TPX2: variants seen among roughly 807,000 people sequenced by gnomAD.
The protein encoded by TPX2 is TPX2 microtubule nucleation factor.
Under a neutral mutation model 93.6 loss-of-function variants are expected in TPX2, and 21 were observed. That is an observed-to-expected ratio of 0.22 (90% CI 0.16 to 0.32). TPX2 has a LOEUF of 0.32. Ranked by LOEUF, TPX2 falls within the 10% of genes least tolerant of loss-of-function variation. The pLI is 1.00. For synonymous variants in TPX2, 281 were observed against 298.3 expected (o/e 0.94, Z 0.60); for missense variants, 776 against 871.1 (o/e 0.89, Z 1.37).
intron 2 of TPX2, among the ~76,000 whole-genome samples, chr20:31,755,290 G>A (rs1392510372): frequency 6.7e-6 from 1 of 149,958 alleles, no homozygotes; most frequent in Non-Finnish European, 1.5e-5. Flanking sequence ...CACCATGTTG[G>A]CCAGGCTGGT....
chr20:31,767,167 A>G (rs939287923), intron 5 of TPX2, among the ~76,000 whole-genome samples: 2 of 152,156 alleles, frequency 1.3e-5, no homozygotes, highest in Admixed American at 1.3e-4. Context: ...AAAAATCTGT[A>G]TAACATTTAT....
chr20:31,760,828 T>A (rs531858869), intron 4 of TPX2, among the ~76,000 whole-genome samples: 1 of 152,366 alleles, frequency 6.6e-6, no homozygotes, highest in Admixed American at 6.5e-5. Context: ...TAAAAGATGA[T>A]GGATCGCTTC....
intron 12 of TPX2, among the ~76,000 whole-genome samples, chr20:31,788,715 G>GAGT (rs930755738): frequency 1.4e-4 from 21 of 152,244 alleles, no homozygotes; most frequent in African/African-American, 5.1e-4. Flanking sequence ...GGCAGAGGTG[G>GAGT]AGTGACAAAG....
chr20:31,786,153 C>G (rs1172313777), intron 12 of TPX2, among the ~76,000 whole-genome samples: 1 of 152,044 alleles, frequency 6.6e-6, no homozygotes. Flanking sequence ...GGTACTTAAT[C>G]CATTTTACAG....
intron 10 of TPX2, chr20:31,781,137 T>C (rs1476952790): frequency 1.2e-5 from 2 of 167,088 alleles, no homozygotes; most frequent in African/African-American, 4.8e-5. Flanking sequence ...TTGCCCAGGC[T>C]GGTCTTGAGC....
At position 31,794,044 on chromosome 20, in the gene TPX2, C is replaced by T. The variant is rs1462760110; in HGVS notation, c.1686+20C>T. 1 of 1,598,390 alleles carries T rather than the reference C, an allele frequency of 6.3e-7. No homozygotes were observed. Among genetic ancestry groups the T allele is most frequent in the South Asian group, 1.1e-5 (1 of 89,220 alleles). ...GGGGAGGTAGGTGTTTCCATTTCTG[C>T]AAGTAGTGTAATACTATTCTTTGAT... On this transcript the variant is annotated intron_variant, in intron 14 of 17. Transcript: ENST00000300403.
Position 31,801,449 on chromosome 20 carries a change from T to G in TPX2, c.*369T>G, listed in dbSNP as rs560308538. 6.0e-6 allele frequency: 1 copy of G among 165,888 alleles called. No individual in the cohort carries two copies. Among genetic ancestry groups the G allele is most frequent in the Admixed American group, 6.3e-5 (1 of 15,954 alleles). 10.3% of individuals were successfully genotyped at this position (165,888 alleles called of 1,614,324 possible). On this transcript the variant is annotated 3_prime_UTR_variant, in exon 18 of 18. Coordinates refer to ENST00000300403, the MANE Select transcript of TPX2 (RefSeq NM_012112.5). ...CTTACGACTCTCACCCTCTCCCCAC[T>G]TTTTTTAAAAATTTTAACCAGAAAA...
chr20:31,796,397 G>C (rs1431040541), intron 15 of TPX2, among the ~76,000 whole-genome samples: 1 of 152,044 alleles, frequency 6.6e-6, no homozygotes, highest in African/African-American at 2.4e-5. Flanking sequence ...CACTTAAAAA[G>C]ATTAAAAATA....
At chr20:31,741,651 T>TTGTA (rs2061753898) in intron 1 of TPX2, among the ~76,000 whole-genome samples, 2 of 152,116 alleles carry the variant, frequency 1.3e-5, no homozygotes, top group Admixed American at 6.6e-5. Context: ...GCTAGTTTTT[T>TTGTA]TGTATTTTTA....
In TPX2 at chr20:31,772,970, G is replaced by A. The variant is rs1309288933; in HGVS notation, c.608+1288G>A. On this transcript the variant is annotated intron_variant, in intron 7 of 17. Coordinates refer to ENST00000300403, the MANE Select transcript of TPX2 (RefSeq NM_012112.5). ...GAAGTACCAATTTATAGTGCCATCG[G>A]CTTTTTTTTTTTTTTTTTTTTTTTG... 3.5e-5 allele frequency among the ~76,000 whole-genome samples: 5 copies of A among 141,638 alleles called. No individual in the cohort carries two copies. In the East Asian group the frequency reaches 1.0e-3, roughly 28 times the overall value. The allele number at this position is 141,638 out of a possible 152,430, so 92.9% of individuals were successfully genotyped here. A position where few individuals can be genotyped will look rare whatever the true frequency, so the allele number is the denominator to read the frequency against.
intron 12 of TPX2, among the ~76,000 whole-genome samples, chr20:31,791,474 C>T (rs149058382): frequency 5.1e-4 from 77 of 152,178 alleles, no homozygotes; most frequent in African/African-American, 1.7e-3. Context: ...TTAGTAGAGA[C>T]GGGGTTTCAC....
chr20:31,763,942 C>T (rs1036520334), intron 4 of TPX2, among the ~76,000 whole-genome samples: 2 of 151,602 alleles, frequency 1.3e-5, no homozygotes, highest in Non-Finnish European at 2.9e-5. Context: ...TCGCTGAAAC[C>T]TGGGAGGCGG....
At chr20:31,748,293 T>A (rs925548125) in intron 2 of TPX2, among the ~76,000 whole-genome samples, 41 of 152,170 alleles carry the variant, frequency 2.7e-4, no homozygotes, top group Admixed American at 2.2e-3. Context: ...GTCTTAGACC[T>A]CAGAGGACAG....
At chr20:31,771,792 A>G in intron 7 of TPX2, 110 bp downstream of exon 7, 2 of 1,302,234 alleles carry the variant, frequency 1.5e-6, no homozygotes, top group Non-Finnish European at 2.1e-6. Context: ...TGAAGCTTTG[A>G]CCATGGTGAG....
chr20:31,776,050 G>GTTT lies in TPX2; in HGVS notation c.730+101_730+103dup, dbSNP rs10528470. ...GTGGTTCTTAACACTCTTGGTAGGT[G>GTTT]TTTTTTTTTTTTTTTTTTTTTTTTT... On this transcript the variant is annotated intron_variant, in intron 8 of 17. Transcript: ENST00000300403. The GTTT allele has an allele frequency of 1.3e-3, 422 of 331,360 alleles. 101 individuals are homozygous for GTTT. Among genetic ancestry groups the GTTT allele is most frequent in the East Asian group, 3.4e-3 (11 of 3,206 alleles). 20.5% of individuals were successfully genotyped at this position (331,360 alleles called of 1,614,324 possible).
chr20:31,780,980 C>T (rs778246946), intron 10 of TPX2: 7 of 398,240 alleles, frequency 1.8e-5, no homozygotes, highest in East Asian at 9.4e-5. Flanking sequence ...AGTGCAGTGG[C>T]GTGATCATGG....
intron 5 of TPX2, 140 bp downstream of exon 5, chr20:31,766,822 G>A (rs572635441): frequency 4.6e-6 from 4 of 861,680 alleles, no homozygotes; most frequent in East Asian, 6.6e-5. Context: ...TTTTTGAGAC[G>A]GAGTGTTTCG....
At chr20:31,753,067 A>G (rs1442087058) in intron 2 of TPX2, among the ~76,000 whole-genome samples, 1 of 152,234 alleles carries the variant, frequency 6.6e-6, no homozygotes, top group Non-Finnish European at 1.5e-5. Flanking sequence ...TAATGAAAGT[A>G]GAAATGGAGG....
At position 31,798,452 on chromosome 20, in the gene TPX2, T is replaced by A. The variant is rs145356341; in HGVS notation, c.2033T>A (p.Met678Lys). 1 of 1,613,974 alleles carries A rather than the reference T, an allele frequency of 6.2e-7. No individual in the cohort carries two copies. Residue 678 changes from methionine (M) to lysine (K), a missense_variant, in exon 17 of 18, where the codon ATG (methionine) becomes AAG (lysine). Physicochemically the swap from Met to Lys is moderately conservative, Grantham distance 95. This residue lies in a region of TPX2 where 461 missense variants were observed against 551.2 expected (regional missense o/e 0.84). Coordinates refer to ENST00000300403, the MANE Select transcript of TPX2 (RefSeq NM_012112.5). ...AKERQELEKR[M>K]AEVEAQKAQQ... The stretch of plus-strand genomic sequence containing the variant: ...GAGCGGCAGGAGCTGGAGAAGAGAA[T>A]GGCTGAGGTAGAAGCCCAGAAAGCC...
Sources: gnomAD v4.1 joint callset for allele counts (sites outside exome capture counted in the v4.1 genomes callset) on GRCh38, gnomAD v4.1.1 for gene constraint, gnomAD v4.1.1 regional missense constraint, MANE v1.5 for transcripts, NCBI Gene and HGNC (gene_info 2026-07-23, HGNC 2026-07-21) for gene names.